Variants in TMEM244 observed in about 807,000 individuals in gnomAD.
TMEM244 encodes the protein transmembrane protein 244.
Under a neutral mutation model 15.8 loss-of-function variants are expected in TMEM244, and 13 were observed. That is an observed-to-expected ratio of 0.82 (90% confidence interval 0.53 to 1.30). The LOEUF is 1.30. Among genes scored for constraint, TMEM244 ranks in the 50% most tolerant of loss-of-function variants. The pLI, the probability that TMEM244 is intolerant of heterozygous loss-of-function variation, is 0.00. For missense variants in TMEM244, 161 were observed against 144.9 expected (o/e 1.11, Z -0.57); for synonymous variants, 45 against 48.7 (o/e 0.92, Z 0.32).
intron 1 of TMEM244, among the ~76,000 whole-genome samples, chr6:129,855,736 T>C (rs369566745): frequency 6.6e-6 from 1 of 152,200 alleles, no homozygotes; most frequent in Non-Finnish European, 1.5e-5. Flanking sequence ...TTTCCCATTG[T>C]ATCTTATGAG....
At chr6:129,857,341 CAT>C (rs1030454661) in intron 1 of TMEM244, among the ~76,000 whole-genome samples, 4 of 150,164 alleles carry the variant, frequency 2.7e-5, no homozygotes, top group Non-Finnish European at 4.4e-5. Flanking sequence ...CACACACACA[CAT>C]ATATATATAC....
chr6:129,833,222 G>A (rs1158211170), intron 4 of TMEM244, among the ~76,000 whole-genome samples: 2 of 152,024 alleles, frequency 1.3e-5, no homozygotes, highest in African/African-American at 4.8e-5. Context: ...TAACTTTTCT[G>A]TAACTCTAAA....
intron 3 of TMEM244, among the ~76,000 whole-genome samples, chr6:129,835,489 C>T (rs866066025): frequency 5.9e-5 from 9 of 151,904 alleles, no homozygotes; most frequent in Middle Eastern, 3.4e-3. Context: ...GTGAGATCGA[C>T]GCAGAAGATG....
chr6:129,861,201 C>T lies in TMEM244; in HGVS notation c.-13G>A, dbSNP rs749407993. 17 of 1,613,426 alleles carry T rather than the reference C, an allele frequency of 1.1e-5. 1 individual carries two copies. The highest frequency in any genetic ancestry group is 6.7e-5 in the East Asian group (3 of 44,856). On this transcript the variant is annotated 5_prime_UTR_variant, in exon 1 of 5. Transcript: ENST00000368143. ...CCTGGAGAGCCATGTACACATCCTA[C>T]GTCAAGGAGGTGATGAAAGCCCCAC... is the stretch of plus-strand genomic sequence containing the variant.
intron 4 of TMEM244, among the ~76,000 whole-genome samples, chr6:129,832,326 G>A (rs1776339954): frequency 1.3e-5 from 2 of 152,080 alleles, no homozygotes; most frequent in African/African-American, 2.4e-5. Context: ...TTCAACTCCT[G>A]ACCTCAGGTG....
At chr6:129,844,621 C>T (rs1407373492) in intron 2 of TMEM244, among the ~76,000 whole-genome samples, 1 of 152,198 alleles carries the variant, frequency 6.6e-6, no homozygotes, top group Non-Finnish European at 1.5e-5. Flanking sequence ...GGTCTAATTA[C>T]TTCAAATTCC....
At position 129,861,273 on chromosome 6, in the gene TMEM244, G is replaced by T; in HGVS notation, c.-85C>A. On this transcript the variant is annotated 5_prime_UTR_variant, in exon 1 of 5. Transcript: ENST00000368143. Reference sequence around the variant, plus strand: ...GAAGAAGACACAATTGTCACCGTGAGCTTTTCAATTACTCCTGGAGACTAA... The same window carrying T: ...GAAGAAGACACAATTGTCACCGTGATCTTTTCAATTACTCCTGGAGACTAA... 1 of 1,495,912 alleles carries T rather than the reference G, an allele frequency of 6.7e-7. No homozygotes were observed. The highest frequency in any genetic ancestry group is 2.3e-5 in the East Asian group (1 of 43,956). 92.7% of individuals were successfully genotyped at this position (1,495,912 alleles called of 1,614,324 possible).
chr6:129,856,888 C>T (rs1226157105), intron 1 of TMEM244, among the ~76,000 whole-genome samples: 1 of 151,884 alleles, frequency 6.6e-6, no homozygotes, highest in African/African-American at 2.4e-5. Flanking sequence ...AATTTCCAAA[C>T]TTATTCAAGT....
intron 1 of TMEM244, among the ~76,000 whole-genome samples, chr6:129,849,160 AC>A (rs1462176814): frequency 2.6e-5 from 4 of 152,038 alleles, no homozygotes; most frequent in Non-Finnish European, 5.9e-5. Flanking sequence ...AGATACACTT[AC>A]TTTTTCTGAC....
At chr6:129,858,486 A>T (rs1203784878) in intron 1 of TMEM244, among the ~76,000 whole-genome samples, 1 of 152,142 alleles carries the variant, frequency 6.6e-6, no homozygotes, top group East Asian at 1.9e-4. Flanking sequence ...GGTCTGGCTC[A>T]TATATCATCT....
chr6:129,851,158 G>A (rs1776633147), intron 1 of TMEM244, among the ~76,000 whole-genome samples: 2 of 152,226 alleles, frequency 1.3e-5, no homozygotes, highest in East Asian at 1.9e-4. Context: ...AGCTCATGTG[G>A]CCTATATGTG....
At chr6:129,834,865 C>T (rs891561023) in intron 3 of TMEM244, among the ~76,000 whole-genome samples, 5 of 152,102 alleles carry the variant, frequency 3.3e-5, no homozygotes, top group African/African-American at 1.2e-4. Context: ...TACAGAATCA[C>T]GACATTATTG....
At chr6:129,842,825 C>A (rs908892250) in intron 3 of TMEM244, among the ~76,000 whole-genome samples, 3 of 150,850 alleles carry the variant, frequency 2.0e-5, no homozygotes, top group African/African-American at 7.3e-5. Context: ...CCATGAAGCT[C>A]CCCCAAACAA....
chr6:129,852,716 A>C (rs1776651096), intron 1 of TMEM244, among the ~76,000 whole-genome samples: 1 of 152,152 alleles, frequency 6.6e-6, no homozygotes, highest in Non-Finnish European at 1.5e-5. Flanking sequence ...GCAGGTTAAC[A>C]GGGTTCTACT....
chr6:129,857,420 A>C (rs1249940691), intron 1 of TMEM244, among the ~76,000 whole-genome samples: 2 of 151,856 alleles, frequency 1.3e-5, no homozygotes, highest in African/African-American at 4.8e-5. Flanking sequence ...CAATGGTGAG[A>C]TCTCAGCTCA....
At chr6:129,860,104 CGTGTGTGTGTGTGT>C (rs757397083) in intron 1 of TMEM244, among the ~76,000 whole-genome samples, 28 of 140,610 alleles carry the variant, frequency 2.0e-4, no homozygotes, top group Non-Finnish European at 3.1e-4. Context: ...CTCTGCAATG[CGTGTGTGTGTGTGT>C]GTGTGTGTGT....
chr6:129,837,143 T>C (rs1397390282), intron 3 of TMEM244, among the ~76,000 whole-genome samples: 1 of 151,968 alleles, frequency 6.6e-6, no homozygotes, highest in East Asian at 1.9e-4. Context: ...AAGGTTGAAA[T>C]GAGGGAAAAA....
At position 129,842,862 on chromosome 6, in the gene TMEM244, A is replaced by G. The variant is rs527833388; in HGVS notation, c.193+668T>C. On this transcript the variant is annotated intron_variant, in intron 3 of 4. Transcript: ENST00000368143. ...AATGTTTTACATATATTCAAGGTAC[A>G]TAGGTGTGAAGGTTTACAAACATAC... Among the ~76,000 whole-genome samples, 96 of 151,574 alleles carry G rather than the reference A, an allele frequency of 6.3e-4. 4 individuals are homozygous for G. In the South Asian group the frequency reaches 0.02, roughly 31 times the overall value.
intron 3 of TMEM244, among the ~76,000 whole-genome samples, chr6:129,841,664 A>G (rs552004132): frequency 6.6e-6 from 1 of 152,200 alleles, no homozygotes; most frequent in Non-Finnish European, 1.5e-5. Flanking sequence ...AGTATTATTT[A>G]TCTCAAAAAA....
Sources: allele counts gnomAD v4.1 joint callset (sites outside exome capture counted in the v4.1 genomes callset), GRCh38; gene constraint gnomAD v4.1.1; transcripts MANE v1.5; gene names NCBI Gene and HGNC (gene_info 2026-07-23, HGNC 2026-07-21).